Variants in MED27 observed in about 807,000 individuals in gnomAD.
MED27 encodes the protein mediator of RNA polymerase II transcription subunit 27.
MED27 carries 30 observed loss-of-function variants against 38.2 expected under a neutral mutation model. The observed-to-expected ratio is 0.79, with a 90% CI of 0.59 to 1.07. The LOEUF (loss-of-function observed/expected upper bound fraction) is 1.07, where lower values mean the gene tolerates loss of function less well. Among genes scored for constraint, MED27 ranks in the 50% least tolerant of loss-of-function variants. The pLI, the probability that MED27 is intolerant of heterozygous loss-of-function variation, is 0.00. For synonymous variants in MED27, 122 were observed against 153.5 expected (o/e 0.79, Z 1.52); for missense variants, 289 against 397.5 (o/e 0.73, Z 2.32).
chr9:132,006,064 C>T (rs1327706739), intron 3 of MED27, among the ~76,000 whole-genome samples: 1 of 152,124 alleles, frequency 6.6e-6, no homozygotes. Context: ...TTCATGAATA[C>T]TGTTACTTAA....
At chr9:132,019,223 C>CT (rs1347785920) in intron 2 of MED27, among the ~76,000 whole-genome samples, 4 of 152,180 alleles carry the variant, frequency 2.6e-5, no homozygotes, top group Admixed American at 6.5e-5. Flanking sequence ...ATTGATGACT[C>CT]TATTCTGTAC....
At chr9:131,895,310 T>C (rs1315392134) in intron 4 of MED27, among the ~76,000 whole-genome samples, 1 of 152,116 alleles carries the variant, frequency 6.6e-6, no homozygotes, top group African/African-American at 2.4e-5. Context: ...TCTGATGAGG[T>C]TTTGACGTCA....
At chr9:131,999,676 TAAAG>T (rs1320929208) in intron 3 of MED27, among the ~76,000 whole-genome samples, 1 of 152,106 alleles carries the variant, frequency 6.6e-6, no homozygotes, top group Non-Finnish European at 1.5e-5. Context: ...CAATTACAGA[TAAAG>T]AAGAGCAAGA....
intron 2 of MED27, among the ~76,000 whole-genome samples, 171 bp downstream of exon 2, chr9:132,077,271 A>G (rs575210412): frequency 6.6e-6 from 1 of 152,368 alleles, no homozygotes; most frequent in East Asian, 1.9e-4. Context: ...CAAAGACTTC[A>G]AAGGACTACA....
intron 2 of MED27, among the ~76,000 whole-genome samples, chr9:132,045,023 C>T (rs1833300317): frequency 6.6e-6 from 1 of 151,534 alleles, no homozygotes; most frequent in Non-Finnish European, 1.5e-5. Flanking sequence ...TTCAAAGAGA[C>T]AGGTGAAAAG....
rs1313869116 is a variant in MED27 at position 131,889,989 on chromosome 9, C to T, written c.681+3896G>A. ...CAACGTGCTCTTGTAGAACACATGTCAGGCCCCAAGGGCTCCTTCCAGACG... is the reference window on the plus strand; with the variant it reads ...CAACGTGCTCTTGTAGAACACATGTTAGGCCCCAAGGGCTCCTTCCAGACG... On this transcript the variant is annotated intron_variant, in intron 5 of 7. Coordinates refer to ENST00000292035, the MANE Select transcript of MED27 (RefSeq NM_004269.4). This position sits in a 1 kb window ranked among gnomAD's most constrained non-coding sequence, Gnocchi z 4.2. 1.3e-5 allele frequency among the ~76,000 whole-genome samples: 2 copies of T among 152,318 alleles called. No homozygotes were observed. The highest frequency in any genetic ancestry group is 4.1e-4 in the South Asian group (2 of 4,826).
chr9:131,899,297 A>C (rs1165853077), intron 4 of MED27, among the ~76,000 whole-genome samples: 3 of 152,110 alleles, frequency 2.0e-5, no homozygotes, highest in Non-Finnish European at 4.4e-5. Context: ...GGAAGCTGAG[A>C]GGGGGTGACA....
At chr9:131,885,706 C>T (rs1839127701) in intron 5 of MED27, among the ~76,000 whole-genome samples, 1 of 152,192 alleles carries the variant, frequency 6.6e-6, no homozygotes, top group South Asian at 2.1e-4. Context: ...AAATCAATCC[C>T]TTCTGTTTCA....
intron 2 of MED27, among the ~76,000 whole-genome samples, chr9:132,048,901 C>T (rs1173263833): frequency 2.0e-5 from 3 of 152,194 alleles, no homozygotes; most frequent in Non-Finnish European, 4.4e-5. Flanking sequence ...GGGTTTTGCC[C>T]TTTAAGCACA....
chr9:131,926,569 G>C (rs775351366), intron 4 of MED27, among the ~76,000 whole-genome samples: 1 of 152,242 alleles, frequency 6.6e-6, no homozygotes, highest in Non-Finnish European at 1.5e-5. Context: ...TGTCAAGAAT[G>C]TGCATTTCCC....
At chr9:132,011,873 T>C (rs569708935) in intron 3 of MED27, among the ~76,000 whole-genome samples, 9 of 152,202 alleles carry the variant, frequency 5.9e-5, no homozygotes, top group African/African-American at 2.2e-4. Flanking sequence ...TAGGACACAG[T>C]AACCACTTTT....
At chr9:132,073,341 T>C (rs1437235341) in intron 2 of MED27, 2 of 994,486 alleles carry the variant, frequency 2.0e-6, no homozygotes, top group African/African-American at 1.7e-5. Context: ...AAATTAAAAA[T>C]TCAACAGAAA....
intron 3 of MED27, among the ~76,000 whole-genome samples, chr9:131,977,290 T>C (rs1233170368): frequency 6.6e-6 from 1 of 152,124 alleles, no homozygotes; most frequent in East Asian, 1.9e-4. Context: ...GGCAGTCAGG[T>C]CAAAGCCTGG....
intron 2 of MED27, among the ~76,000 whole-genome samples, chr9:132,046,291 T>C (rs926183152): frequency 6.6e-6 from 1 of 152,248 alleles, no homozygotes; most frequent in African/African-American, 2.4e-5. Context: ...AGTTTTATTT[T>C]GTTATTTTGT....
At chr9:132,073,459 T>C (rs910650686) in intron 2 of MED27, 4 of 1,142,550 alleles carry the variant, frequency 3.5e-6, no homozygotes, top group South Asian at 4.2e-5. Context: ...AGGAACAAGA[T>C]GGACATGGTG....
At chr9:132,031,790 CA>C (rs1832969097) in intron 2 of MED27, 1 of 150,486 alleles carries the variant, frequency 6.6e-6, no homozygotes, top group Non-Finnish European at 1.5e-5. Flanking sequence ...AAAACTATAC[CA>C]GGAAAAAAAA....
chr9:132,058,016 C>T (rs1197883269), intron 2 of MED27, among the ~76,000 whole-genome samples: 2 of 152,048 alleles, frequency 1.3e-5, no homozygotes, highest in African/African-American at 4.8e-5. Flanking sequence ...AATGTTCTAT[C>T]CTCAAGAAAA....
At chr9:131,878,832 C>A (rs1224562138) in intron 6 of MED27, among the ~76,000 whole-genome samples, 1 of 151,498 alleles carries the variant, frequency 6.6e-6, no homozygotes, top group Non-Finnish European at 1.5e-5. Context: ...CCCGCCCCCA[C>A]CCCGCCCATT....
At chr9:131,961,380 C>T (rs1395149015) in intron 3 of MED27, among the ~76,000 whole-genome samples, 3 of 152,166 alleles carry the variant, frequency 2.0e-5, no homozygotes, top group African/African-American at 7.2e-5. Context: ...CTGAAATGCT[C>T]TCTGATATTT....
Sources: allele counts gnomAD v4.1 joint callset (sites outside exome capture counted in the v4.1 genomes callset), GRCh38; gene constraint gnomAD v4.1.1; non-coding constraint Gnocchi (gnomAD v3.1); transcripts MANE v1.5; gene names NCBI Gene and HGNC (gene_info 2026-07-23, HGNC 2026-07-21).